The following RAB11FIP3 variants were observed in gnomAD, a reference collection of about 807,000 sequenced individuals.
RAB11FIP3 encodes the protein rab11 family-interacting protein 3.
RAB11FIP3 carries 17 observed loss-of-function variants against 77.8 expected under a neutral mutation model. That is an observed-to-expected ratio of 0.22 (90% confidence interval 0.15 to 0.33). The LOEUF (loss-of-function observed/expected upper bound fraction) is 0.33. Among genes scored for constraint, RAB11FIP3 ranks in the 10% least tolerant of loss-of-function variants. RAB11FIP3 has a pLI of 1.00. For missense variants in RAB11FIP3, 1,005 were observed against 1,011.2 expected (o/e 0.99, Z 0.08); for synonymous variants, 437 against 448.2 (o/e 0.98, Z 0.31).
At chr16:466,587 G>A (rs2055705087) in intron 2 of RAB11FIP3, among the ~76,000 whole-genome samples, 1 of 152,234 alleles carries the variant, frequency 6.6e-6, no homozygotes, top group Admixed American at 6.5e-5. Context: ...TGGGAAGCCT[G>A]GGGGCTGCCA....
At chr16:519,208 GC>G in intron 10 of RAB11FIP3, 184 bp downstream of exon 10, 1 of 625,250 alleles carries the variant, frequency 1.6e-6, no homozygotes. Flanking sequence ...CAGGAGCAGG[GC>G]CCAGAGGCTC....
intron 3 of RAB11FIP3, among the ~76,000 whole-genome samples, chr16:478,289 T>C (rs931236381): frequency 1.3e-5 from 2 of 150,974 alleles, no homozygotes; most frequent in Admixed American, 6.7e-5. Context: ...GCCTCCTGGG[T>C]TCAAGCGATT....
chr16:448,949 A>G (rs1248371219), intron 1 of RAB11FIP3, among the ~76,000 whole-genome samples: 1 of 152,134 alleles, frequency 6.6e-6, no homozygotes, highest in Non-Finnish European at 1.5e-5. Context: ...AAGTAAATAA[A>G]TAAGTAAATA....
intron 5 of RAB11FIP3, among the ~76,000 whole-genome samples, chr16:491,790 A>G (rs918297130): frequency 6.6e-6 from 1 of 152,084 alleles, no homozygotes; most frequent in African/African-American, 2.4e-5. Context: ...GCACATATTG[A>G]CGTGCCCGTT....
In RAB11FIP3 at chr16:503,011, C is replaced by T. The variant is rs1271586640; in HGVS notation, c.1309C>T (p.His437Tyr). The T allele has an allele frequency of 8.1e-6, 13 of 1,611,648 alleles. No individual in the cohort carries two copies. The highest frequency in any genetic ancestry group is 4.0e-5 in the African/African-American group (3 of 74,880). ...LSSKKVARYL[H>Y]QSGALTMEAL... ...GTTGTGCCTTTTCTGTAGGTACCTG[C>T]ACCAGTCAGGGGCCCTGACCATGGA... Residue 437 changes from histidine to tyrosine, a missense_variant, in exon 7 of 14, where the codon CAC (histidine) becomes TAC (tyrosine). Coordinates refer to ENST00000262305, the MANE Select transcript of RAB11FIP3 (RefSeq NM_014700.4).
At chr16:429,327 A>C (rs1053063809) in intron 1 of RAB11FIP3, among the ~76,000 whole-genome samples, 2 of 152,070 alleles carry the variant, frequency 1.3e-5, no homozygotes, top group Non-Finnish European at 2.9e-5. Flanking sequence ...TTTTAAAGAC[A>C]TTAATGATTT....
chr16:431,990 C>A (rs571728982), intron 1 of RAB11FIP3, among the ~76,000 whole-genome samples: 1 of 152,142 alleles, frequency 6.6e-6, no homozygotes, highest in African/African-American at 2.4e-5. Flanking sequence ...ATCTCCTGAC[C>A]GCATGATCCG....
At position 425,706 on chromosome 16, in the gene RAB11FIP3, C is replaced by T. The variant is rs2054925666; in HGVS notation, c.-301C>T. ...GCTCCGCGGCCTCCGGCCTCCTCGG[C>T]CCCCGTCCCCCGGCCTCCTCGGCCC... On this transcript the variant is annotated 5_prime_UTR_variant, in exon 1 of 14. Transcript: ENST00000262305. 2 of 290,118 alleles carry T rather than the reference C, an allele frequency of 6.9e-6. No homozygotes were observed. Among genetic ancestry groups the T allele is most frequent in the Admixed American group, 5.3e-5 (1 of 18,782 alleles). 18.0% of individuals were successfully genotyped at this position (290,118 alleles called of 1,614,324 possible). A position where few individuals can be genotyped will look rare whatever the true frequency, so the allele number is the denominator to read the frequency against.
At chr16:450,272 C>T (rs1200098322) in intron 1 of RAB11FIP3, among the ~76,000 whole-genome samples, 2 of 152,100 alleles carry the variant, frequency 1.3e-5, no homozygotes, top group South Asian at 2.1e-4. Context: ...CGGGCTCAAG[C>T]GATCCTTCTG....
intron 2 of RAB11FIP3, among the ~76,000 whole-genome samples, chr16:469,998 C>T (rs893819029): frequency 1.3e-5 from 2 of 151,726 alleles, no homozygotes; most frequent in Admixed American, 6.6e-5. Flanking sequence ...TCTTTTCTTT[C>T]TTTCTTTTTT....
At chr16:436,265 C>T (rs573207118) in intron 1 of RAB11FIP3, among the ~76,000 whole-genome samples, 48 of 152,100 alleles carry the variant, frequency 3.2e-4, no homozygotes, top group African/African-American at 7.7e-4. Flanking sequence ...GCCAAGATCG[C>T]GCCACCGCAC....
chr16:451,776 A>G (rs896309530), intron 1 of RAB11FIP3, among the ~76,000 whole-genome samples: 8 of 151,576 alleles, frequency 5.3e-5, no homozygotes, highest in Non-Finnish European at 1.0e-4. Flanking sequence ...CGGAGGTTAC[A>G]GTGACCCGAG....
At chr16:439,396 C>T (rs922728315) in intron 1 of RAB11FIP3, 20 of 152,206 alleles carry the variant, frequency 1.3e-4, no homozygotes, top group African/African-American at 4.1e-4. Flanking sequence ...CTAGGACCAG[C>T]TCATCTTGTT....
intron 5 of RAB11FIP3, among the ~76,000 whole-genome samples, chr16:493,478 G>C (rs1428914412): frequency 6.6e-6 from 1 of 152,172 alleles, no homozygotes; most frequent in East Asian, 1.9e-4. Flanking sequence ...TGGAAGCTTT[G>C]ATGTCAGATA....
intron 5 of RAB11FIP3, among the ~76,000 whole-genome samples, chr16:492,188 C>A (rs2030277666): frequency 6.6e-6 from 1 of 152,192 alleles, no homozygotes; most frequent in African/African-American, 2.4e-5. Flanking sequence ...GTTCCATTTC[C>A]AGGGCACTTA....
chr16:446,940 C>T (rs1186578673), intron 1 of RAB11FIP3, among the ~76,000 whole-genome samples: 1 of 149,802 alleles, frequency 6.7e-6, no homozygotes, highest in Non-Finnish European at 1.5e-5. Context: ...ACCTCATGAT[C>T]TGCCTGCCTC....
At chr16:474,932 C>T in intron 3 of RAB11FIP3, 1 of 1,546,046 alleles carries the variant, frequency 6.5e-7, no homozygotes, top group Non-Finnish European at 8.7e-7. Context: ...TTGCAGAAAC[C>T]CCAGCATGAC....
chr16:440,726 G>T (rs756217380), intron 1 of RAB11FIP3, among the ~76,000 whole-genome samples: 11 of 152,240 alleles, frequency 7.2e-5, no homozygotes. Flanking sequence ...GCTGTGTGAT[G>T]AATCTGGGAA....
At chr16:466,351 G>A (rs1259616066) in intron 2 of RAB11FIP3, among the ~76,000 whole-genome samples, 1 of 152,206 alleles carries the variant, frequency 6.6e-6, no homozygotes, top group East Asian at 1.9e-4. Flanking sequence ...TGGGCAGGAG[G>A]GAGCCACCTG....
Sources: gnomAD v4.1 joint callset for allele counts (sites outside exome capture counted in the v4.1 genomes callset) on GRCh38, gnomAD v4.1.1 for gene constraint, MANE v1.5 for transcripts, NCBI Gene and HGNC (gene_info 2026-07-23, HGNC 2026-07-21) for gene names.